MARK2: variants seen among roughly 807,000 people sequenced by gnomAD.
MARK2 encodes serine/threonine-protein kinase MARK2.
Under a neutral mutation model 89.8 loss-of-function variants are expected in MARK2, and 16 were observed. That is an observed-to-expected ratio of 0.18 (90% confidence interval 0.12 to 0.27). The LOEUF (loss-of-function observed/expected upper bound fraction) is 0.27. Ranked by LOEUF, MARK2 falls within the 10% of genes least tolerant of loss-of-function variation. The pLI is 1.00. For missense variants in MARK2, 621 were observed against 1,049.9 expected (o/e 0.59, Z 5.65); for synonymous variants, 382 against 399.5 (o/e 0.96, Z 0.52).
chr11:63,856,522 C>T (rs1590982173), intron 1 of MARK2, among the ~76,000 whole-genome samples: 1 of 150,092 alleles, frequency 6.7e-6, no homozygotes, highest in East Asian at 2.0e-4. Flanking sequence ...TCTCCAGGCT[C>T]AGTTGATCCT....
intron 1 of MARK2, among the ~76,000 whole-genome samples, chr11:63,877,855 G>A (rs1458398927): frequency 1.3e-5 from 2 of 152,202 alleles, no homozygotes; most frequent in African/African-American, 4.8e-5. Context: ...GCTTTGAGGG[G>A]CACCTTCAGC....
chr11:63,888,874 C>T (rs2135308085), intron 1 of MARK2: 2 of 1,334,246 alleles, frequency 1.5e-6, no homozygotes, highest in East Asian at 9.4e-5. Flanking sequence ...TCTTCCCGGC[C>T]TCTGTACTTT....
In MARK2 at chr11:63,903,943, A is replaced by C; in HGVS notation, c.1515-43A>C. ...TTCCTAATCCAGGCCTCCCGCCCTC[A>C]CTCACCCCTAACACGGGCCTCTCCG... On this transcript the variant is annotated intron_variant, in intron 14 of 18. Coordinates refer to ENST00000402010, the MANE Select transcript of MARK2 (RefSeq NM_001039469.3). This position sits in a 1 kb window ranked among gnomAD's most constrained non-coding sequence, Gnocchi z 5.1. The C allele has an allele frequency of 6.5e-7, 1 of 1,532,382 alleles. No homozygotes were observed. The highest frequency in any genetic ancestry group is 8.8e-7 in the Non-Finnish European group (1 of 1,134,428). The allele number at this position is 1,532,382 out of a possible 1,614,324, so 94.9% of individuals were successfully genotyped here.
At position 63,895,222 on chromosome 11, in the gene MARK2, TCAG is replaced by T. The variant is rs958632284; in HGVS notation, c.120_122del (p.Ala41del). 1.3e-5 allele frequency: 21 copies of T among 1,614,014 alleles called. No individual in the cohort carries two copies. Among genetic ancestry groups the T allele is most frequent in the Non-Finnish European group, 1.6e-5 (19 of 1,180,014 alleles). On this transcript the variant is annotated inframe_deletion, in exon 2 of 19. Coordinates refer to ENST00000402010, the MANE Select transcript of MARK2 (RefSeq NM_001039469.3). ...GTCCAACATGATTCGGGGCCGCAAC[TCAG>T]CCACCTCTGCTGATGAGCAGCCCCA... is the stretch of plus-strand genomic sequence containing the variant.
intron 1 of MARK2, among the ~76,000 whole-genome samples, chr11:63,858,783 A>C (rs1028816500): frequency 1.3e-5 from 2 of 152,226 alleles, no homozygotes; most frequent in African/African-American, 4.8e-5. Flanking sequence ...TAGGACTGAT[A>C]ATCCCTGTCC....
chr11:63,901,936 T>A (rs940298624), intron 11 of MARK2, among the ~76,000 whole-genome samples: 3 of 151,964 alleles, frequency 2.0e-5, no homozygotes, highest in Non-Finnish European at 4.4e-5. Context: ...AGTCTGGACA[T>A]GTGTTCTTGC....
At chr11:63,871,738 T>C in intron 1 of MARK2, among the ~76,000 whole-genome samples, 1 of 40,850 alleles carries the variant, frequency 2.4e-5, no homozygotes, top group Non-Finnish European at 4.7e-5. Flanking sequence ...GAGTATTCAC[T>C]GTGTGCAGGT....
intron 1 of MARK2, among the ~76,000 whole-genome samples, chr11:63,851,894 C>G (rs1224763834): frequency 1.3e-5 from 2 of 152,190 alleles, no homozygotes; most frequent in Non-Finnish European, 2.9e-5. Context: ...TTGCCTCTAA[C>G]CCATCAGGAA....
chr11:63,897,292 G>A (rs948528218), intron 3 of MARK2, among the ~76,000 whole-genome samples: 2 of 152,152 alleles, frequency 1.3e-5, no homozygotes, highest in Non-Finnish European at 2.9e-5. Context: ...ATATCTGTTG[G>A]ACCAGGGAAA....
intron 1 of MARK2, among the ~76,000 whole-genome samples, chr11:63,854,496 C>T (rs1371861512): frequency 4.0e-5 from 6 of 150,536 alleles, no homozygotes; most frequent in African/African-American, 1.2e-4. Flanking sequence ...GGATTACAGG[C>T]ATAAGCCACC....
At position 63,903,401 on chromosome 11, in the gene MARK2, A is replaced by G. The variant is rs2134223705; in HGVS notation, c.1514+243A>G. ...GGGGCTGACCGTGGCCATCTCAGCT[A>G]CATGCTCGCTTCTTGACCACGGCCA... On this transcript the variant is annotated intron_variant, in intron 14 of 18. Coordinates refer to ENST00000402010, the MANE Select transcript of MARK2 (RefSeq NM_001039469.3). The surrounding 1 kb of genome is among the most constrained non-coding windows in gnomAD (Gnocchi z 5.1). 1.9e-6 allele frequency: 1 copy of G among 523,996 alleles called. No homozygotes were observed. The highest frequency in any genetic ancestry group is 3.5e-6 in the Non-Finnish European group (1 of 287,730). The allele number at this position is 523,996 out of a possible 1,614,324, so 32.5% of individuals were successfully genotyped here.
chr11:63,905,546 C>T (rs1941258205), intron 16 of MARK2, among the ~76,000 whole-genome samples: 1 of 152,218 alleles, frequency 6.6e-6, no homozygotes, highest in Admixed American at 6.5e-5. Flanking sequence ...TAGGGTGAAA[C>T]CTATAAATGA....
Position 63,839,178 on chromosome 11 carries a change from A to T in MARK2, c.-329A>T. ...GCTGCCTGTGTGCCGGGCGCGGAGC[A>T]GTGCCGCTGAGGGCAGGGGAGGAGC... On this transcript the variant is annotated 5_prime_UTR_variant, in exon 1 of 19. Coordinates refer to ENST00000402010, the MANE Select transcript of MARK2 (RefSeq NM_001039469.3). 4.8e-6 allele frequency: 1 copy of T among 207,224 alleles called. No individual in the cohort carries two copies. Among genetic ancestry groups the T allele is most frequent in the Non-Finnish European group, 9.5e-6 (1 of 105,472 alleles). 12.8% of individuals were successfully genotyped at this position (207,224 alleles called of 1,614,324 possible).
intron 1 of MARK2, among the ~76,000 whole-genome samples, chr11:63,877,911 G>A (rs1938862270): frequency 6.6e-6 from 1 of 152,122 alleles, no homozygotes; most frequent in South Asian, 2.1e-4. Context: ...GAGAAGCTCG[G>A]GCTTTCCACT....
chr11:63,839,467 C>T lies in MARK2; in HGVS notation c.-40C>T, dbSNP rs1339107476. The T allele has an allele frequency of 3.6e-6, 5 of 1,392,346 alleles. No homozygotes were observed. Among genetic ancestry groups the T allele is most frequent in the African/African-American group, 1.4e-5 (1 of 69,444 alleles). The allele number at this position is 1,392,346 out of a possible 1,614,324, so 86.2% of individuals were successfully genotyped here. ...TCCGCGCCTTCCCTTCCCTCCCTTCCTCCAAGCTTCTCGGTTCCCTCCCCC... is the reference window on the plus strand; with the variant it reads ...TCCGCGCCTTCCCTTCCCTCCCTTCTTCCAAGCTTCTCGGTTCCCTCCCCC... On this transcript the variant is annotated 5_prime_UTR_variant, in exon 1 of 19. Coordinates refer to ENST00000402010, the MANE Select transcript of MARK2 (RefSeq NM_001039469.3).
intron 1 of MARK2, among the ~76,000 whole-genome samples, chr11:63,840,673 A>G (rs576133287): frequency 8.2e-4 from 125 of 152,108 alleles, no homozygotes; most frequent in African/African-American, 2.9e-3. Flanking sequence ...CCTTTTAATC[A>G]GCGTTGCCTT....
chr11:63,898,399 T>A, intron 4 of MARK2, 119 bp downstream of exon 4: 1 of 1,069,384 alleles, frequency 9.4e-7, no homozygotes, highest in South Asian at 1.3e-5. Flanking sequence ...AGGATACCCC[T>A]GGGGAAGCTC....
intron 16 of MARK2, 105 bp downstream of exon 16, chr11:63,905,148 G>T: frequency 1.5e-6 from 2 of 1,310,770 alleles, no homozygotes; most frequent in South Asian, 2.7e-5. Flanking sequence ...CTCTGTACCG[G>T]TATTGGGTCC....
intron 1 of MARK2, among the ~76,000 whole-genome samples, chr11:63,842,200 A>G (rs2016052708): frequency 6.6e-6 from 1 of 151,500 alleles, no homozygotes; most frequent in Non-Finnish European, 1.5e-5. Flanking sequence ...CACCTATTCC[A>G]GACAGATTCC....
Sources: allele counts gnomAD v4.1 joint callset (sites outside exome capture counted in the v4.1 genomes callset), GRCh38; gene constraint gnomAD v4.1.1; non-coding constraint Gnocchi (gnomAD v3.1); transcripts MANE v1.5; gene names NCBI Gene and HGNC (gene_info 2026-07-23, HGNC 2026-07-21).